Variants in SLC25A33 observed in about 807,000 individuals in gnomAD.
SLC25A33 encodes the protein bone marrow stromal cell mitochondrial carrier protein.
Under a neutral mutation model 35.5 loss-of-function variants are expected in SLC25A33, and 15 were observed. The ratio of observed to expected loss-of-function variants is 0.42; its 90% CI spans 0.28 to 0.65. The LOEUF is 0.65. Among genes scored for constraint, SLC25A33 ranks in the 30% least tolerant of loss-of-function variants. The pLI is 0.20. For missense variants in SLC25A33, 257 were observed against 398.5 expected (o/e 0.64, Z 3.02); for synonymous variants, 136 against 148.7 (o/e 0.91, Z 0.62).
intron 2 of SLC25A33, among the ~76,000 whole-genome samples, chr1:9,556,654 C>T (rs1448163982): frequency 1.3e-5 from 2 of 151,814 alleles, no homozygotes; most frequent in African/African-American, 4.9e-5. Context: ...CAGCCCCCCC[C>T]ATAAGAGATT....
intron 3 of SLC25A33, among the ~76,000 whole-genome samples, chr1:9,568,381 T>C (rs1643540280): frequency 6.6e-6 from 1 of 151,848 alleles, no homozygotes; most frequent in African/African-American, 2.4e-5. Context: ...GAGGCAGAGG[T>C]TGCAGTGAGC....
intron 3 of SLC25A33, 54 bp from the exon 4 acceptor site, chr1:9,570,204 C>T (rs974717493): frequency 1.8e-5 from 27 of 1,461,528 alleles, no homozygotes; most frequent in Admixed American, 9.0e-5. Context: ...TCTGGAGGGA[C>T]GTATAAAGTT....
intron 2 of SLC25A33, among the ~76,000 whole-genome samples, chr1:9,555,343 T>C (rs747387735): frequency 1.8e-4 from 27 of 151,896 alleles, no homozygotes; most frequent in East Asian, 3.9e-4. Flanking sequence ...TGGTCTCGAT[T>C]TCCTGACCTC....
At chr1:9,562,049 CAAA>C (rs55912108) in intron 2 of SLC25A33, among the ~76,000 whole-genome samples, 2 of 117,376 alleles carry the variant, frequency 1.7e-5, no homozygotes, top group Non-Finnish European at 1.8e-5. Context: ...GACTCCGTCT[CAAA>C]AAAAAAAAAA....
At chr1:9,553,219 T>G (rs1643293325) in intron 1 of SLC25A33, among the ~76,000 whole-genome samples, 1 of 138,450 alleles carries the variant, frequency 7.2e-6, no homozygotes, top group Non-Finnish European at 1.6e-5. Flanking sequence ...TTTTTTTTTT[T>G]TTTTTTTTGG....
chr1:9,575,791 A>G (rs148278490), intron 5 of SLC25A33, among the ~76,000 whole-genome samples: 5 of 152,342 alleles, frequency 3.3e-5, no homozygotes, highest in Non-Finnish European at 7.3e-5. Context: ...TGCATCAGGT[A>G]TAATCATTTG....
chr1:9,548,021 C>T (rs374149008), intron 1 of SLC25A33, among the ~76,000 whole-genome samples: 100 of 151,866 alleles, frequency 6.6e-4, no homozygotes, highest in African/African-American at 2.3e-3. Flanking sequence ...ACTACAGGTG[C>T]GCACCACCAC....
chr1:9,566,387 T>C (rs1643505924), intron 2 of SLC25A33, among the ~76,000 whole-genome samples: 1 of 152,214 alleles, frequency 6.6e-6, no homozygotes, highest in African/African-American at 2.4e-5. Flanking sequence ...GGTAAAGATC[T>C]AGAAGATAGG....
chr1:9,568,812 C>T (rs186657798), intron 3 of SLC25A33, among the ~76,000 whole-genome samples: 2 of 151,730 alleles, frequency 1.3e-5, no homozygotes, highest in African/African-American at 2.4e-5. Flanking sequence ...GATCGCTGCA[C>T]TCCAGCCTGG....
chr1:9,547,802 CTTTTT>C (rs112195824), intron 1 of SLC25A33, among the ~76,000 whole-genome samples: 4 of 143,690 alleles, frequency 2.8e-5, no homozygotes, highest in Admixed American at 7.0e-5. Flanking sequence ...GGCCTTCAAA[CTTTTT>C]TTTTTTTTTA....
intron 1 of SLC25A33, among the ~76,000 whole-genome samples, chr1:9,545,854 T>C (rs567903882): frequency 6.6e-6 from 1 of 151,536 alleles, no homozygotes; most frequent in Non-Finnish European, 1.5e-5. Flanking sequence ...TTTCAGCTAC[T>C]TGGGAGGCTG....
At chr1:9,573,205 G>C (rs956071248) in intron 4 of SLC25A33, 141 bp from the exon 5 acceptor site, 3 of 577,026 alleles carry the variant, frequency 5.2e-6, no homozygotes, top group Non-Finnish European at 6.0e-6. Context: ...CTATCTGCAG[G>C]ATAGAAATAT....
rs768177604 is a variant in SLC25A33 at position 9,580,087 on chromosome 1, A to G, written c.616A>G (p.Ile206Val). ...TTCCGAAACTATAATCTGCTTTGCTATTTATGAAAGTTTAAAGAAGTATCT... is the reference window on the plus strand; with the variant it reads ...TTCCGAAACTATAATCTGCTTTGCTGTTTATGAAAGTTTAAAGAAGTATCT... ...GISETIICFA[I>V]YESLKKYLKE... The change falls in exon 6 of 7, where the codon ATT (isoleucine) becomes GTT (valine). Residue 206 changes from isoleucine (I) to valine (V), a missense_variant. By Grantham distance (29) the Ile-to-Val change is conservative (BLOSUM62 3). Transcript: ENST00000302692. 19 of 1,612,758 alleles carry G rather than the reference A, an allele frequency of 1.2e-5. No homozygotes were observed. The highest frequency in any genetic ancestry group is 2.2e-5 in the South Asian group (2 of 91,032).
chr1:9,577,063 A>G (rs1202745549), intron 5 of SLC25A33: 1 of 638,762 alleles, frequency 1.6e-6, no homozygotes, highest in South Asian at 1.8e-5. Context: ...AAATGATGCC[A>G]TAAAAGACAT....
chr1:9,579,806 C>T (rs1452038166), intron 5 of SLC25A33, 148 bp from the exon 6 acceptor site: 6 of 974,564 alleles, frequency 6.2e-6, no homozygotes, highest in Admixed American at 5.9e-5. Context: ...CCCCACATAA[C>T]GAAAGACAAG....
rs1569865478 is a variant in SLC25A33, at chr1:9,567,363, T to G, written c.314+2T>G. On this transcript the variant is annotated splice_donor_variant, in intron 3 of 6. Coordinates refer to ENST00000302692, the MANE Select transcript of SLC25A33 (RefSeq NM_032315.3). LOFTEE classifies it high-confidence loss of function. ...TTTGGTTGGAGTTGCACCATCAAGG[T>G]AAGCATTAAACTTTCCAGCTAGCTC... 2 of 1,613,392 alleles carry G rather than the reference T, an allele frequency of 1.2e-6. No homozygotes were observed.
chr1:9,572,479 G>A (rs1336109066), intron 4 of SLC25A33, among the ~76,000 whole-genome samples: 5 of 151,896 alleles, frequency 3.3e-5, no homozygotes, highest in East Asian at 1.9e-4. Flanking sequence ...TTAGCCAGGC[G>A]CGGTGGCGGG....
At chr1:9,544,501 T>G (rs1643139359) in intron 1 of SLC25A33, among the ~76,000 whole-genome samples, 1 of 152,064 alleles carries the variant, frequency 6.6e-6, no homozygotes, top group African/African-American at 2.4e-5. Flanking sequence ...ACTACTGACC[T>G]CAGGTGATCT....
At chr1:9,547,795 C>T (rs1643202482) in intron 1 of SLC25A33, among the ~76,000 whole-genome samples, 1 of 151,748 alleles carries the variant, frequency 6.6e-6, no homozygotes, top group African/African-American at 2.4e-5. Flanking sequence ...GAATAGTGGC[C>T]TTCAAACTTT....
Sources: allele counts gnomAD v4.1 joint callset (sites outside exome capture counted in the v4.1 genomes callset), GRCh38; gene constraint gnomAD v4.1.1; transcripts MANE v1.5; gene names NCBI Gene and HGNC (gene_info 2026-07-23, HGNC 2026-07-21).